Variants in MCM9 observed in about 807,000 individuals in gnomAD.
MCM9 encodes minichromosome maintenance 9 homologous recombination repair factor.
In MCM9, 55 loss-of-function variants were observed where a neutral mutation model predicts 72.8. The ratio of observed to expected loss-of-function variants is 0.76; its 90% CI spans 0.61 to 0.95. The LOEUF is 0.95. Among genes scored for constraint, MCM9 ranks in the 40% least tolerant of loss-of-function variants. MCM9 has a pLI of 0.00. For missense variants in MCM9, 1,279 were observed against 1,377.0 expected (o/e 0.93, Z 1.13); for synonymous variants, 480 against 503.4 (o/e 0.95, Z 0.62).
At chr6:118,883,372 T>C (rs1778415845) in intron 8 of MCM9, among the ~76,000 whole-genome samples, 1 of 151,642 alleles carries the variant, frequency 6.6e-6, no homozygotes, top group Admixed American at 6.6e-5. Flanking sequence ...AATATATATA[T>C]ATTGGGAGTA....
rs1025152984 is a variant in MCM9 at position 118,820,680 on chromosome 6, A to T, written c.1962-4386T>A. 6.2e-4 allele frequency among the ~76,000 whole-genome samples: 95 copies of T among 152,074 alleles called. 1 individual carries two copies. Among genetic ancestry groups the T allele is most frequent in the African/African-American group, 2.2e-3 (91 of 41,424 alleles). ...GAGTTCAAGTCCTGAATATCCTTGT[A>T]AATTTTCTGCCTCATGGATCTATCT... is the stretch of plus-strand genomic sequence containing the variant. On this transcript the variant is annotated intron_variant, in intron 13 of 13. Coordinates refer to ENST00000619706, the MANE Select transcript of MCM9 (RefSeq NM_017696.3).
chr6:118,915,496 G>A (rs1485176667), intron 6 of MCM9, among the ~76,000 whole-genome samples: 3 of 152,164 alleles, frequency 2.0e-5, no homozygotes, highest in Non-Finnish European at 4.4e-5. Flanking sequence ...CAGGGTCAAG[G>A]AATCCCTCAG....
chr6:118,899,640 A>G (rs755982837), intron 8 of MCM9, among the ~76,000 whole-genome samples: 5 of 152,238 alleles, frequency 3.3e-5, no homozygotes, highest in Admixed American at 6.5e-5. Flanking sequence ...TGCTGACTTA[A>G]TAAGAGAAAA....
At chr6:118,924,194 T>C in intron 3 of MCM9, 67 bp from the exon 4 acceptor site, 1 of 1,341,000 alleles carries the variant, frequency 7.5e-7, no homozygotes, top group Non-Finnish European at 1.0e-6. Flanking sequence ...GGATATATTC[T>C]TCTCCTATTT....
At chr6:118,917,532 AT>A in intron 6 of MCM9, 28 bp downstream of exon 6, 1 of 1,594,744 alleles carries the variant, frequency 6.3e-7, no homozygotes. Context: ...ACCATTAATA[AT>A]AATCAGTTTT....
intron 8 of MCM9, among the ~76,000 whole-genome samples, chr6:118,886,723 G>C (rs560956823): frequency 6.6e-6 from 1 of 152,348 alleles, no homozygotes; most frequent in South Asian, 2.1e-4. Flanking sequence ...AGAGGCTGAA[G>C]TGGGAGGGTG....
chr6:118,822,076 C>T (rs908535427), intron 13 of MCM9, among the ~76,000 whole-genome samples: 2 of 152,104 alleles, frequency 1.3e-5, no homozygotes, highest in Non-Finnish European at 2.9e-5. Flanking sequence ...GAACATGCTC[C>T]TTTAGCTTGG....
intron 9 of MCM9, among the ~76,000 whole-genome samples, chr6:118,836,085 T>G (rs1774937219): frequency 6.6e-6 from 1 of 152,184 alleles, no homozygotes; most frequent in Non-Finnish European, 1.5e-5. Flanking sequence ...TGAAGGCCTT[T>G]TCTGCATCTA....
At chr6:118,903,586 A>G (rs1312250750) in intron 8 of MCM9, among the ~76,000 whole-genome samples, 1 of 152,218 alleles carries the variant, frequency 6.6e-6, no homozygotes, top group African/African-American at 2.4e-5. Context: ...GCACATAAAA[A>G]AGGAATCTAT....
intron 8 of MCM9, among the ~76,000 whole-genome samples, chr6:118,869,844 G>A (rs890141828): frequency 6.6e-6 from 1 of 151,836 alleles, no homozygotes; most frequent in African/African-American, 2.4e-5. Flanking sequence ...AAAAGTCTAG[G>A]GTAGCTACAT....
intron 8 of MCM9, among the ~76,000 whole-genome samples, chr6:118,868,688 G>A (rs1777381642): frequency 6.6e-6 from 1 of 152,236 alleles, no homozygotes; most frequent in South Asian, 2.1e-4. Context: ...CTGGTCATTA[G>A]AGAAATGCAA....
intron 8 of MCM9, among the ~76,000 whole-genome samples, chr6:118,903,140 A>G (rs755463017): frequency 5.6e-4 from 85 of 152,246 alleles, no homozygotes; most frequent in Middle Eastern, 6.8e-3. Flanking sequence ...CCTAGAACCA[A>G]TTTACTGAAG....
chr6:118,922,183 G>A, intron 4 of MCM9, 97 bp from the exon 5 acceptor site: 43 of 849,248 alleles, frequency 5.1e-5, no homozygotes, highest in South Asian at 3.7e-4. Context: ...TTATTTCTCT[G>A]GTATATCATA....
chr6:118,905,865 T>C, intron 8 of MCM9: 1 of 1,466,358 alleles, frequency 6.8e-7, no homozygotes, highest in Non-Finnish European at 9.2e-7. Context: ...CTACTTTTAC[T>C]ATGCAATTTT....
chr6:118,910,320 G>C (rs1780452772), intron 8 of MCM9, among the ~76,000 whole-genome samples: 1 of 152,040 alleles, frequency 6.6e-6, no homozygotes, highest in African/African-American at 2.4e-5. Context: ...AGAAAGGCTA[G>C]CGTGGCCCTT....
At chr6:118,900,625 C>G in intron 8 of MCM9, 1 of 640,200 alleles carries the variant, frequency 1.6e-6, no homozygotes, top group Non-Finnish European at 2.8e-6. Flanking sequence ...TTATAAGGAG[C>G]ATTTCACTGC....
chr6:118,840,245 T>C (rs1489573987), intron 9 of MCM9, among the ~76,000 whole-genome samples: 4 of 151,768 alleles, frequency 2.6e-5, no homozygotes, highest in Non-Finnish European at 4.4e-5. Flanking sequence ...CTCCACTTCA[T>C]ATGCTGAAGC....
intron 6 of MCM9, among the ~76,000 whole-genome samples, chr6:118,913,759 C>T (rs572364252): frequency 1.1e-3 from 169 of 152,030 alleles, no homozygotes; most frequent in African/African-American, 4.0e-3. Context: ...AGCACCACGC[C>T]CAGCTAATGT....
chr6:118,893,791 G>C (rs918938021), intron 8 of MCM9, among the ~76,000 whole-genome samples: 1 of 151,746 alleles, frequency 6.6e-6, no homozygotes, highest in Non-Finnish European at 1.5e-5. Flanking sequence ...CAGCAAGGCC[G>C]GCAAAGCTGT....
Sources: gnomAD v4.1 joint callset for allele counts (sites outside exome capture counted in the v4.1 genomes callset) on GRCh38, gnomAD v4.1.1 for gene constraint, MANE v1.5 for transcripts, NCBI Gene and HGNC (gene_info 2026-07-23, HGNC 2026-07-21) for gene names.